The following PRSS55 variants were observed in gnomAD, a reference collection of about 807,000 sequenced individuals.
The protein encoded by PRSS55 is serine protease 55, also known as probable serine protease UNQ9391/PRO34284.
A neutral mutation model predicts 23.6 loss-of-function variants in PRSS55; 41 were observed. That is an observed-to-expected ratio of 1.74 (90% confidence interval 1.35 to 2.26). The LOEUF (loss-of-function observed/expected upper bound fraction) is 2.26. Among genes scored for constraint, PRSS55 ranks in the 30% most tolerant of loss-of-function variants. The pLI, the probability that PRSS55 is intolerant of heterozygous loss-of-function variation, is 0.00. For missense variants in PRSS55, 669 were observed against 439.1 expected (o/e 1.52, Z -4.68); for synonymous variants, 262 against 175.5 (o/e 1.49, Z -3.90).
intron 1 of PRSS55, among the ~76,000 whole-genome samples, chr8:10,527,311 C>T (rs1177906564): frequency 2.0e-5 from 3 of 152,202 alleles, no homozygotes; most frequent in Admixed American, 1.3e-4. Context: ...CTGCAGTGAA[C>T]ATCATCAGAT....
downstream of PRSS55, among the ~76,000 whole-genome samples, chr8:10,542,470 G>T (rs973322344): frequency 6.6e-6 from 1 of 151,376 alleles, no homozygotes; most frequent in Non-Finnish European, 1.5e-5. Context: ...AAAACCTTTG[G>T]CCTCAAGGAT....
At chr8:10,526,973 C>T (rs1404331311) in intron 1 of PRSS55, among the ~76,000 whole-genome samples, 2 of 152,198 alleles carry the variant, frequency 1.3e-5, no homozygotes, top group African/African-American at 4.8e-5. Context: ...GAGCACGTGC[C>T]ATGTTCTGCA....
intron 4 of PRSS55, among the ~76,000 whole-genome samples, chr8:10,551,105 G>C (rs569759620): frequency 6.6e-6 from 1 of 152,240 alleles, no homozygotes; most frequent in African/African-American, 2.4e-5. Flanking sequence ...CACTTTCCAA[G>C]ACCCCTTCCT....
At chr8:10,551,028 C>G (rs1425966838) in intron 4 of PRSS55, among the ~76,000 whole-genome samples, 1 of 152,220 alleles carries the variant, frequency 6.6e-6, no homozygotes, top group Non-Finnish European at 1.5e-5. Flanking sequence ...CCTGTTGCCG[C>G]CACCTTCTCT....
chr8:10,545,355 G>T (rs916268553), intron 4 of PRSS55, among the ~76,000 whole-genome samples: 2 of 152,084 alleles, frequency 1.3e-5, no homozygotes, highest in Non-Finnish European at 2.9e-5. Flanking sequence ...GCACCATCAT[G>T]CCTGGCTAAT....
At chr8:10,551,923 T>C (rs1044967158) in intron 4 of PRSS55, among the ~76,000 whole-genome samples, 1 of 152,256 alleles carries the variant, frequency 6.6e-6, no homozygotes, top group Middle Eastern at 3.2e-3. Flanking sequence ...CTTTCAAATG[T>C]TCCTGCCCAA....
downstream of PRSS55, among the ~76,000 whole-genome samples, chr8:10,542,037 A>T (rs1469988130): frequency 6.6e-6 from 1 of 152,204 alleles, no homozygotes; most frequent in African/African-American, 2.4e-5. Flanking sequence ...ATGGCCTCCC[A>T]AAGTGCTGTG....
intron 3 of PRSS55, 122 bp from the exon 4 acceptor site, chr8:10,532,784 G>C (rs919155648): frequency 5.6e-6 from 7 of 1,239,248 alleles, no homozygotes; most frequent in Non-Finnish European, 7.9e-6. Context: ...AGGGGCTGCA[G>C]AGCCTGTGAA....
intron 3 of PRSS55, among the ~76,000 whole-genome samples, chr8:10,532,349 T>C (rs1812298422): frequency 6.6e-6 from 1 of 152,184 alleles, no homozygotes; most frequent in African/African-American, 2.4e-5. Context: ...GAAATCTCTT[T>C]GTGGTCAGAG....
Position 10,553,990 on chromosome 8 carries a change from A to G in PRSS55, c.789A>G (p.Gln263=), listed in dbSNP as rs538664795. Residue 263 remains glutamine, a synonymous_variant, in exon 5 of 5, where the codon CAA becomes CAG. Coordinates refer to the PRSS55 transcript ENST00000522210. ...AAAGAATGAACACCGGAAGCTCTCA[A>G]ACAAAGCCGCCTGGGTCTCACACCT... 4.4e-5 allele frequency: 68 copies of G among 1,532,736 alleles called. 1 individual carries two copies. The South Asian group carries it at 7.7e-4, about 17-fold the overall frequency. The allele number at this position is 1,532,736 out of a possible 1,614,324, so 94.9% of individuals were successfully genotyped here.
At chr8:10,553,184 T>TC (rs1450705457) in intron 4 of PRSS55, among the ~76,000 whole-genome samples, 3 of 152,186 alleles carry the variant, frequency 2.0e-5, no homozygotes, top group Non-Finnish European at 4.4e-5. Context: ...AAGGGGCTCC[T>TC]CCCCCTTTGC....
chr8:10,531,273 C>A, intron 2 of PRSS55, 22 bp from the exon 3 acceptor site: 1 of 1,611,558 alleles, frequency 6.2e-7, no homozygotes, highest in Non-Finnish European at 8.5e-7. Context: ...CCACTTGCCC[C>A]TCTCTGGTTC....
At chr8:10,544,337 A>ATCAG (rs1243767962) in intron 4 of PRSS55, among the ~76,000 whole-genome samples, 1 of 152,152 alleles carries the variant, frequency 6.6e-6, no homozygotes, top group African/African-American at 2.4e-5. Context: ...TTAGCACCAT[A>ATCAG]TCAGCTCTTT....
downstream of PRSS55, chr8:10,540,975 A>T (rs1222462905): frequency 6.6e-6 from 1 of 152,556 alleles, no homozygotes; most frequent in Non-Finnish European, 1.5e-5. Flanking sequence ...CCCACTCTCC[A>T]ATTTGCATAG....
At chr8:10,529,162 C>G (rs1355951813) in intron 1 of PRSS55, among the ~76,000 whole-genome samples, 1 of 152,172 alleles carries the variant, frequency 6.6e-6, no homozygotes, top group African/African-American at 2.4e-5. Flanking sequence ...ATTGTCCTGC[C>G]CACCACGGGG....
intron 4 of PRSS55, 141 bp from the exon 5 acceptor site, chr8:10,538,335 C>T: frequency 1.5e-6 from 1 of 665,492 alleles, no homozygotes; most frequent in Non-Finnish European, 2.6e-6. Flanking sequence ...CAGCCACATG[C>T]TTCTCCCGTG....
intron 1 of PRSS55, 93 bp downstream of exon 1, chr8:10,525,832 T>A: frequency 7.4e-7 from 1 of 1,348,748 alleles, no homozygotes; most frequent in Non-Finnish European, 1.0e-6. Context: ...AGGCCAGAGC[T>A]CCAGGGCTCC....
intron 4 of PRSS55, among the ~76,000 whole-genome samples, chr8:10,553,131 C>T (rs543943870): frequency 2.6e-5 from 4 of 152,284 alleles, no homozygotes; most frequent in Admixed American, 6.5e-5. Flanking sequence ...ATATGCTATT[C>T]TCATGATAGT....
chr8:10,549,493 C>T (rs930416747), intron 4 of PRSS55, among the ~76,000 whole-genome samples: 2 of 152,206 alleles, frequency 1.3e-5, no homozygotes, highest in Non-Finnish European at 2.9e-5. Flanking sequence ...CCACGTACAG[C>T]CTGTGTCCAG....
Sources: gnomAD v4.1 joint callset for allele counts (sites outside exome capture counted in the v4.1 genomes callset) on GRCh38, gnomAD v4.1.1 for gene constraint, MANE v1.5 for transcripts, NCBI Gene and HGNC (gene_info 2026-07-23, HGNC 2026-07-21) for gene names.